The following CCDC148 variants were observed in gnomAD, a reference collection of about 807,000 sequenced individuals.
CCDC148 encodes coiled-coil domain containing 148.
Under a neutral mutation model 85.7 loss-of-function variants are expected in CCDC148, and 89 were observed. The ratio of observed to expected loss-of-function variants is 1.04; its 90% CI spans 0.87 to 1.24. CCDC148 has a LOEUF of 1.24. Ranked by LOEUF, CCDC148 falls within the 50% of genes most tolerant of loss-of-function variation. CCDC148 has a pLI of 0.00. For synonymous variants in CCDC148, 230 were observed against 213.9 expected (o/e 1.08, Z -0.66); for missense variants, 692 against 671.7 (o/e 1.03, Z -0.33).
chr2:158,316,639 G>A (rs1692294838), intron 7 of CCDC148, among the ~76,000 whole-genome samples: 1 of 152,140 alleles, frequency 6.6e-6, no homozygotes. Flanking sequence ...TTTAGGTTAT[G>A]TATTTATAGC....
Position 158,418,845 on chromosome 2 carries a change from G to A in CCDC148, c.25+37570C>T, listed in dbSNP as rs371121832. Reference sequence around the variant, plus strand: ...GGCATATAGGAAGCATACAATAAACGTGTTTTAATGAACAAATGAGTGAAT... The same window carrying A: ...GGCATATAGGAAGCATACAATAAACATGTTTTAATGAACAAATGAGTGAAT... On this transcript the variant is annotated intron_variant, in intron 1 of 13. Coordinates refer to ENST00000283233, the MANE Select transcript of CCDC148 (RefSeq NM_138803.4). Among the ~76,000 whole-genome samples the A allele has an allele frequency of 7.2e-5, 11 of 152,096 alleles. No individual in the cohort carries two copies. In the South Asian group the frequency reaches 1.0e-3, roughly 14 times the overall value.
chr2:158,294,719 G>T (rs896008111), intron 9 of CCDC148, among the ~76,000 whole-genome samples: 3 of 151,676 alleles, frequency 2.0e-5, no homozygotes, highest in Non-Finnish European at 4.4e-5. Flanking sequence ...AGCCATGCAG[G>T]AGGCTGAGGC....
intron 1 of CCDC148, among the ~76,000 whole-genome samples, chr2:158,427,772 T>C (rs1687143517): frequency 6.6e-6 from 1 of 151,926 alleles, no homozygotes; most frequent in Admixed American, 6.6e-5. Context: ...TGGGAGGCCT[T>C]AGGTAGGAAG....
intron 2 of CCDC148, among the ~76,000 whole-genome samples, chr2:158,354,632 T>C (rs1027951266): frequency 3.3e-5 from 5 of 152,036 alleles, no homozygotes; most frequent in South Asian, 2.1e-4. Context: ...GATTCACAGC[T>C]GAATTCTACC....
intron 1 of CCDC148, among the ~76,000 whole-genome samples, chr2:158,429,202 G>T (rs1428375847): frequency 6.6e-6 from 1 of 152,054 alleles, no homozygotes; most frequent in East Asian, 1.9e-4. Context: ...GAGTTAATGG[G>T]TGCAGCACAC....
chr2:158,417,442 G>A (rs902674554), intron 1 of CCDC148, among the ~76,000 whole-genome samples: 1 of 152,184 alleles, frequency 6.6e-6, no homozygotes, highest in Non-Finnish European at 1.5e-5. Context: ...GGGCTTCTTG[G>A]AGCCAACAAA....
At chr2:158,176,424 G>A (rs1684589138) in intron 13 of CCDC148, 97 bp downstream of exon 13, 12 of 1,161,396 alleles carry the variant, frequency 1.0e-5, no homozygotes, top group Non-Finnish European at 1.5e-5. Flanking sequence ...ATATTCAAAT[G>A]TAAATATTGA....
Position 158,172,270 on chromosome 2 carries a change from A to G in CCDC148, c.1630-11T>C. 6.3e-7 allele frequency: 1 copy of G among 1,578,382 alleles called. No homozygotes were observed. Reference sequence around the variant, plus strand: ...AGGGTCAGAAATTATCTGTAGAAATAAAAATACAATTTAAATAACAATTCA... The same window carrying G: ...AGGGTCAGAAATTATCTGTAGAAATGAAAATACAATTTAAATAACAATTCA... On this transcript the variant is annotated splice_polypyrimidine_tract_variant and intron_variant, in intron 13 of 13. Transcript: ENST00000283233.
At chr2:158,438,288 T>G (rs974178398) in intron 1 of CCDC148, among the ~76,000 whole-genome samples, 3 of 151,816 alleles carry the variant, frequency 2.0e-5, no homozygotes, top group Admixed American at 6.6e-5. Flanking sequence ...TATAGACCAA[T>G]GGAACAGAAC....
At chr2:158,340,423 A>G in intron 4 of CCDC148, 30 bp from the exon 5 acceptor site, 1 of 1,607,582 alleles carries the variant, frequency 6.2e-7, no homozygotes, top group Non-Finnish European at 8.5e-7. Flanking sequence ...AATTAAAGGA[A>G]CACATTATTA....
chr2:158,286,450 C>T (rs1690629625), intron 9 of CCDC148, among the ~76,000 whole-genome samples: 1 of 152,212 alleles, frequency 6.6e-6, no homozygotes, highest in Non-Finnish European at 1.5e-5. Context: ...TTTATTCATA[C>T]ATTCATTACA....
At chr2:158,278,810 G>A (rs2602196) in intron 9 of CCDC148, among the ~76,000 whole-genome samples, 20,348 of 152,238 alleles carry the variant, frequency 0.13, 1,440 homozygotes, top group Middle Eastern at 0.19. Context: ...ATCTGAGAAC[G>A]GGCAGACTGC....
chr2:158,415,900 C>A (rs1198997277), intron 1 of CCDC148, among the ~76,000 whole-genome samples: 5 of 152,214 alleles, frequency 3.3e-5, no homozygotes, highest in Admixed American at 3.3e-4. Flanking sequence ...GGGGCTCCAT[C>A]TCCACATTTC....
chr2:158,234,058 C>T (rs1299899799), intron 10 of CCDC148, among the ~76,000 whole-genome samples: 1 of 152,032 alleles, frequency 6.6e-6, no homozygotes, highest in African/African-American at 2.4e-5. Flanking sequence ...TGCCTAATAT[C>T]CCAGATACTT....
At chr2:158,349,378 T>C (rs902377065) in intron 2 of CCDC148, among the ~76,000 whole-genome samples, 8 of 151,988 alleles carry the variant, frequency 5.3e-5, no homozygotes, top group African/African-American at 1.9e-4. Flanking sequence ...TACAAATATT[T>C]AGAGAGAATG....
At chr2:158,380,829 C>T (rs571141591) in intron 1 of CCDC148, 5 of 152,040 alleles carry the variant, frequency 3.3e-5, no homozygotes, top group Admixed American at 6.6e-5. Flanking sequence ...ACATGATCAC[C>T]TGATTTATGA....
At chr2:158,296,949 A>C (rs1441111937) in intron 9 of CCDC148, among the ~76,000 whole-genome samples, 1 of 152,188 alleles carries the variant, frequency 6.6e-6, no homozygotes, top group African/African-American at 2.4e-5. Context: ...ATGGTTCCTC[A>C]GAGCTCTCTT....
chr2:158,282,029 C>T (rs1240447531), intron 9 of CCDC148, among the ~76,000 whole-genome samples: 1 of 151,924 alleles, frequency 6.6e-6, no homozygotes. Context: ...ACAAAAACCA[C>T]ATGATTATCT....
chr2:158,276,396 T>C (rs1027934333), intron 9 of CCDC148, among the ~76,000 whole-genome samples: 5 of 152,080 alleles, frequency 3.3e-5, no homozygotes, highest in Non-Finnish European at 7.4e-5. Flanking sequence ...ATCACACCAC[T>C]GCACTCCAGC....
Sources: gnomAD v4.1 joint callset for allele counts (sites outside exome capture counted in the v4.1 genomes callset) on GRCh38, gnomAD v4.1.1 for gene constraint, MANE v1.5 for transcripts, NCBI Gene and HGNC (gene_info 2026-07-23, HGNC 2026-07-21) for gene names.